ARL8A: variants seen among roughly 807,000 people sequenced by gnomAD.
ARL8A encodes the protein ADP-ribosylation factor-like protein 8A.
A neutral mutation model predicts 31.2 loss-of-function variants in ARL8A; 10 were observed. That is an observed-to-expected ratio of 0.32 (90% CI 0.20 to 0.54). The LOEUF is 0.54. Ranked by LOEUF, ARL8A falls within the 20% of genes least tolerant of loss-of-function variation. The pLI is 0.93. For missense variants in ARL8A, 129 were observed against 242.8 expected, an observed-to-expected ratio of 0.53 and a Z score of 3.12; for synonymous variants, 70 against 86.9, an observed-to-expected ratio of 0.81 and a Z score of 1.08.
At position 202,138,543 on chromosome 1, in the gene ARL8A, G is replaced by A. The variant is rs1200397412; in HGVS notation, c.124-95C>T. On this transcript the variant is annotated intron_variant, in intron 1 of 6. Transcript: ENST00000272217. The surrounding 1 kb of genome is among the most constrained non-coding windows in gnomAD (Gnocchi z 4.4). The stretch of plus-strand genomic sequence containing the variant: ...CGAGAACCATGCAGAGGCCAGGCCA[G>A]AGCTTCCTAGACTTCCCACTGTGGG... The A allele has an allele frequency of 5.9e-6, 7 of 1,180,710 alleles. No individual in the cohort carries two copies. Among genetic ancestry groups the A allele is most frequent in the Middle Eastern group, 2.0e-4 (1 of 5,018 alleles). The allele number at this position is 1,180,710 out of a possible 1,614,324, so 73.1% of individuals were successfully genotyped here. A position where few individuals can be genotyped will look rare whatever the true frequency, so the allele number is the denominator to read the frequency against.
chr1:202,141,642 C>CAA (rs919925890), intron 1 of ARL8A, among the ~76,000 whole-genome samples: 1 of 100,248 alleles, frequency 1.0e-5, no homozygotes, highest in African/African-American at 3.6e-5. Flanking sequence ...CACTCTGTCT[C>CAA]AAAAAAAAAA....
At chr1:202,143,628 C>T (rs1414842908) in intron 1 of ARL8A, among the ~76,000 whole-genome samples, 1 of 152,202 alleles carries the variant, frequency 6.6e-6, no homozygotes, top group African/African-American at 2.4e-5. Flanking sequence ...TTAACTCCTT[C>T]CCCACCACTC....
chr1:202,136,887 C>T (rs2147811024), intron 3 of ARL8A, among the ~76,000 whole-genome samples: 1 of 151,448 alleles, frequency 6.6e-6, no homozygotes, highest in South Asian at 2.1e-4. Context: ...CAGAGTCTCG[C>T]TTTGTCGCCC....
At chr1:202,143,097 G>A (rs1382138250) in intron 1 of ARL8A, among the ~76,000 whole-genome samples, 2 of 152,202 alleles carry the variant, frequency 1.3e-5, no homozygotes, top group African/African-American at 2.4e-5. Context: ...TGCCAAAACC[G>A]CAGCATTGGC....
chr1:202,136,403 C>T (rs1163132602), intron 3 of ARL8A, among the ~76,000 whole-genome samples: 1 of 152,070 alleles, frequency 6.6e-6, no homozygotes, highest in African/African-American at 2.4e-5. Context: ...CCTCAACCTC[C>T]CAAGTAACTG....
chr1:202,144,421 C>T lies in ARL8A; in HGVS notation c.123+29G>A. ...ACAGGCCCGACCCGCGGCCCGCGCC[C>T]GGGGACCCCGCGCCCGACGCCCTCG... On this transcript the variant is annotated intron_variant, in intron 1 of 6. Transcript: ENST00000272217. This position sits in a 1 kb window ranked among gnomAD's most constrained non-coding sequence, Gnocchi z 5.2. 1 of 1,358,416 alleles carries T rather than the reference C, an allele frequency of 7.4e-7. No homozygotes were observed. Among genetic ancestry groups the T allele is most frequent in the Non-Finnish European group, 9.7e-7 (1 of 1,027,378 alleles). 84.1% of individuals were successfully genotyped at this position (1,358,416 alleles called of 1,614,324 possible).
intron 1 of ARL8A, among the ~76,000 whole-genome samples, chr1:202,142,669 C>T (rs1474972421): frequency 2.6e-5 from 4 of 152,182 alleles, no homozygotes; most frequent in Admixed American, 2.0e-4. Flanking sequence ...CTGTATATCA[C>T]AGGAACTCTT....
intron 1 of ARL8A, among the ~76,000 whole-genome samples, chr1:202,140,942 G>A (rs1655151814): frequency 6.6e-6 from 1 of 152,140 alleles, no homozygotes; most frequent in African/African-American, 2.4e-5. Flanking sequence ...AAGGGTTTCG[G>A]TCTCCTAGGA....
rs185245778 is a variant in ARL8A at position 202,138,488 on chromosome 1, G to A, written c.124-40C>T. 49 of 1,583,608 alleles carry A rather than the reference G, an allele frequency of 3.1e-5. No individual in the cohort carries two copies. Among genetic ancestry groups the A allele is most frequent in the Admixed American group, 6.7e-5 (4 of 59,980 alleles). ...CAGAATGGGAAACAGTGCAAAAATC[G>A]ATATGCCCCCACCGCAGACCAAGAG... On this transcript the variant is annotated intron_variant, in intron 1 of 6. Coordinates refer to ENST00000272217, the MANE Select transcript of ARL8A (RefSeq NM_138795.4). The surrounding 1 kb of genome is among the most constrained non-coding windows in gnomAD (Gnocchi z 4.4).
At chr1:202,137,797 C>T (rs1456245024) in intron 3 of ARL8A, among the ~76,000 whole-genome samples, 168 bp downstream of exon 3, 1 of 152,126 alleles carries the variant, frequency 6.6e-6, no homozygotes, top group Non-Finnish European at 1.5e-5. Flanking sequence ...GGCATTTATC[C>T]AATAAGAAAC....
Position 202,134,435 on chromosome 1 carries a change from G to A in ARL8A, c.*32C>T, listed in dbSNP as rs1420689890. 7.5e-6 allele frequency: 12 copies of A among 1,602,936 alleles called. No homozygotes were observed. The highest frequency in any genetic ancestry group is 5.0e-5 in the Admixed American group (3 of 59,978). On this transcript the variant is annotated 3_prime_UTR_variant, in exon 7 of 7. Transcript: ENST00000272217. This position sits in a 1 kb window ranked among gnomAD's most constrained non-coding sequence, Gnocchi z 4.2. ...CTCGGCTTCAGGTTTAGATGATGAC[G>A]GTCCCTGGTCTGAGGGAGAAGGGCT...
rs996840015 is a variant in ARL8A, at chr1:202,134,390, C to T, written c.*77G>A. ...GTGAGGAGGGGTGGGCTTAGGGGGACGACAGGGGTGGGCGGGGAGCTCGGC... is the reference window on the plus strand; with the variant it reads ...GTGAGGAGGGGTGGGCTTAGGGGGATGACAGGGGTGGGCGGGGAGCTCGGC... On this transcript the variant is annotated 3_prime_UTR_variant, in exon 7 of 7. Transcript: ENST00000272217. This position sits in a 1 kb window ranked among gnomAD's most constrained non-coding sequence, Gnocchi z 4.2. 2.3e-5 allele frequency: 34 copies of T among 1,479,270 alleles called. No individual in the cohort carries two copies. The highest frequency in any genetic ancestry group is 2.4e-4 in the Middle Eastern group (1 of 4,230). The allele number at this position is 1,479,270 out of a possible 1,614,324, so 91.6% of individuals were successfully genotyped here. A position where few individuals can be genotyped will look rare whatever the true frequency, so the allele number is the denominator to read the frequency against.
At position 202,135,018 on chromosome 1, in the gene ARL8A, C is replaced by A; in HGVS notation, c.511+132G>T. Reference sequence around the variant, plus strand: ...GGGATAGTGCCCAGAATCTGGGCCACCTGGCTGCCTTTTCTACCCAAGAGC... The same window carrying A: ...GGGATAGTGCCCAGAATCTGGGCCAACTGGCTGCCTTTTCTACCCAAGAGC... On this transcript the variant is annotated intron_variant, in intron 6 of 6. Transcript: ENST00000272217. This position sits in a 1 kb window ranked among gnomAD's most constrained non-coding sequence, Gnocchi z 5.3. 1 of 864,410 alleles carries A rather than the reference C, an allele frequency of 1.2e-6. No individual in the cohort carries two copies. Among genetic ancestry groups the A allele is most frequent in the Non-Finnish European group, 1.8e-6 (1 of 542,060 alleles). 53.5% of individuals were successfully genotyped at this position (864,410 alleles called of 1,614,324 possible). A position where few individuals can be genotyped will look rare whatever the true frequency, so the allele number is the denominator to read the frequency against.
In ARL8A at chr1:202,138,012, A is replaced by C; in HGVS notation, c.231T>G (p.Arg77=). 1 of 1,614,080 alleles carries C rather than the reference A, an allele frequency of 6.2e-7. No homozygotes were observed. Among genetic ancestry groups the C allele is most frequent in the African/African-American group, 1.3e-5 (1 of 75,036 alleles). ...AGTAGCGCTCCCACATGCTGCGGAAACGCGGCTGTCCCCCAATGTCCCAGA... is the reference window on the plus strand; with the variant it reads ...AGTAGCGCTCCCACATGCTGCGGAACCGCGGCTGTCCCCCAATGTCCCAGA... The part of the protein sequence containing the change: ...IKLWDIGGQP[R]FRSMWERYCR... The change falls in exon 3 of 7, where the codon CGT becomes CGG. Residue 77 remains arginine (R), a synonymous_variant. Transcript: ENST00000272217. This position sits in a 1 kb window ranked among gnomAD's most constrained non-coding sequence, Gnocchi z 4.4.
intron 1 of ARL8A, among the ~76,000 whole-genome samples, chr1:202,143,913 G>C (rs535250038): frequency 1.3e-5 from 2 of 152,332 alleles, no homozygotes; most frequent in South Asian, 2.1e-4. Flanking sequence ...CCTCTACCCC[G>C]GGGGATACCT....
In ARL8A at chr1:202,144,368, G is replaced by C. The variant is rs1655246443; in HGVS notation, c.123+82C>G. On this transcript the variant is annotated intron_variant, in intron 1 of 6. Transcript: ENST00000272217. The surrounding 1 kb of genome is among the most constrained non-coding windows in gnomAD (Gnocchi z 5.2). ...CCCGGCTATGCCAGGCGGCGACCCC[G>C]GCTCAGCAGGGCGCGGCGCGGGCGG... 1 of 959,994 alleles carries C rather than the reference G, an allele frequency of 1.0e-6. No homozygotes were observed. Among genetic ancestry groups the C allele is most frequent in the Admixed American group, 6.0e-5 (1 of 16,762 alleles). 59.5% of individuals were successfully genotyped at this position (959,994 alleles called of 1,614,324 possible).
Position 202,144,630 on chromosome 1 carries a change from C to T in ARL8A, c.-58G>A. The T allele has an allele frequency of 7.7e-7, 1 of 1,290,824 alleles. No homozygotes were observed. 80.0% of individuals were successfully genotyped at this position (1,290,824 alleles called of 1,614,324 possible). ...TCCCCGCCGCCCCTCGCTGCCCTCGCGCTGCGGCCCGGAGCGGCCCCTCCC... is the reference window on the plus strand; with the variant it reads ...TCCCCGCCGCCCCTCGCTGCCCTCGTGCTGCGGCCCGGAGCGGCCCCTCCC... On this transcript the variant is annotated 5_prime_UTR_variant, in exon 1 of 7. Transcript: ENST00000272217. The surrounding 1 kb of genome is among the most constrained non-coding windows in gnomAD (Gnocchi z 5.2).
intron 1 of ARL8A, among the ~76,000 whole-genome samples, chr1:202,141,149 T>C (rs1655156228): frequency 6.6e-6 from 1 of 152,080 alleles, no homozygotes; most frequent in African/African-American, 2.4e-5. Flanking sequence ...GTAGGTCTTG[T>C]TCAGCTGTGA....
Position 202,135,034 on chromosome 1 carries a change from A to G in ARL8A, c.511+116T>C, listed in dbSNP as rs1654967299. The G allele has an allele frequency of 9.4e-7, 1 of 1,062,974 alleles. No homozygotes were observed. The highest frequency in any genetic ancestry group is 1.6e-5 in the African/African-American group (1 of 63,192). 65.8% of individuals were successfully genotyped at this position (1,062,974 alleles called of 1,614,324 possible). ...TCTGGGCCACCTGGCTGCCTTTTCT[A>G]CCCAAGAGCCACAGGGCTTTGGACT... On this transcript the variant is annotated intron_variant, in intron 6 of 6. Transcript: ENST00000272217. The surrounding 1 kb of genome is among the most constrained non-coding windows in gnomAD (Gnocchi z 5.3).
Sources: gnomAD v4.1 joint callset for allele counts (sites outside exome capture counted in the v4.1 genomes callset) on GRCh38, gnomAD v4.1.1 for gene constraint, Gnocchi (gnomAD v3.1) non-coding constraint, MANE v1.5 for transcripts, NCBI Gene and HGNC (gene_info 2026-07-23, HGNC 2026-07-21) for gene names.